Variants in PARP12 observed in about 807,000 individuals in gnomAD.
The protein encoded by PARP12 is poly(ADP-ribose) polymerase family member 12, also known as protein mono-ADP-ribosyltransferase PARP12.
Under a neutral mutation model 72.4 loss-of-function variants are expected in PARP12, and 59 were observed. The ratio of observed to expected loss-of-function variants is 0.81; its 90% CI spans 0.66 to 1.01. PARP12 has a LOEUF of 1.01. Among genes scored for constraint, PARP12 ranks in the 50% least tolerant of loss-of-function variants. PARP12 has a pLI of 0.00. For missense variants in PARP12, 851 were observed against 914.0 expected (o/e 0.93, Z 0.89); for synonymous variants, 403 against 371.4 (o/e 1.09, Z -0.98).
chr7:140,056,757 AG>A, intron 3 of PARP12, 98 bp downstream of exon 3: 1 of 1,296,704 alleles, frequency 7.7e-7, no homozygotes, highest in East Asian at 2.4e-5. Flanking sequence ...ACTTGCCCAA[AG>A]TCACACATTC....
chr7:140,028,713 G>A (rs778848382), intron 8 of PARP12, 25 bp from the exon 9 acceptor site: 18 of 1,564,124 alleles, frequency 1.2e-5, no homozygotes, highest in South Asian at 5.8e-5. Flanking sequence ...ACAAAAACAC[G>A]TAGACATTTT....
intron 8 of PARP12, among the ~76,000 whole-genome samples, chr7:140,031,373 A>T (rs1465034547): frequency 1.4e-5 from 2 of 146,074 alleles, no homozygotes; most frequent in Admixed American, 1.4e-4. Flanking sequence ...ACCCTGTCTC[A>T]TAAATAAATA....
At chr7:140,050,787 G>C (rs189368424) in intron 4 of PARP12, among the ~76,000 whole-genome samples, 1 of 151,918 alleles carries the variant, frequency 6.6e-6, no homozygotes, top group Non-Finnish European at 1.5e-5. Flanking sequence ...ATATTTTTAG[G>C]ATACAAAAAA....
intron 7 of PARP12, among the ~76,000 whole-genome samples, chr7:140,035,911 GGACA>G (rs879418603): frequency 0.065 from 8,496 of 129,928 alleles, 1,301 homozygotes; most frequent in East Asian, 0.18. Flanking sequence ...ACGAGGAGGA[GGACA>G]AGGAGGAGGA....
chr7:140,039,215 T>G lies in PARP12; in HGVS notation c.1183-1359A>C, dbSNP rs560848296. On this transcript the variant is annotated intron_variant, in intron 6 of 11. Coordinates refer to ENST00000263549, the MANE Select transcript of PARP12 (RefSeq NM_022750.4). Reference sequence around the variant, plus strand: ...AGTCCGGGAGGAAGAGGATGTGGCATAAAAATCCCTTTCTGACAACAAGAG... The same window carrying G: ...AGTCCGGGAGGAAGAGGATGTGGCAGAAAAATCCCTTTCTGACAACAAGAG... Among the ~76,000 whole-genome samples the G allele has an allele frequency of 1.8e-4, 27 of 152,208 alleles. 1 individual carries two copies. Among genetic ancestry groups the G allele is most frequent in the African/African-American group, 5.3e-4 (22 of 41,520 alleles).
chr7:140,052,268 C>T (rs1816994807), intron 4 of PARP12, among the ~76,000 whole-genome samples: 1 of 152,218 alleles, frequency 6.6e-6, no homozygotes, highest in African/African-American at 2.4e-5. Flanking sequence ...ATAAACTGAA[C>T]TAATCAAGAT....
chr7:140,054,867 C>T (rs1817118255), intron 3 of PARP12, 104 bp from the exon 4 acceptor site: 3 of 928,932 alleles, frequency 3.2e-6, no homozygotes, highest in Admixed American at 2.1e-5. Flanking sequence ...GCAACGCAAG[C>T]TCACAAAGCC....
At chr7:140,027,527 C>T in intron 9 of PARP12, 121 bp from the exon 10 acceptor site, 2 of 1,211,890 alleles carry the variant, frequency 1.7e-6, no homozygotes, top group Non-Finnish European at 1.2e-6. Context: ...AGAGCAGTGA[C>T]CACATTCTCC....
At chr7:140,037,880 T>A in intron 6 of PARP12, 24 bp from the exon 7 acceptor site, 1 of 1,596,034 alleles carries the variant, frequency 6.3e-7, no homozygotes, top group Non-Finnish European at 8.6e-7. Context: ...CCAGACACTT[T>A]ATGAAGGCAA....
intron 8 of PARP12, chr7:140,033,654 C>A (rs74993559): frequency 4.1e-6 from 4 of 985,278 alleles, no homozygotes; most frequent in Admixed American, 1.2e-4. Flanking sequence ...GTACAAAGCA[C>A]AAGAATTTCC....
chr7:140,056,191 T>C (rs1229842566), intron 3 of PARP12, among the ~76,000 whole-genome samples: 1 of 152,230 alleles, frequency 6.6e-6, no homozygotes, highest in African/African-American at 2.4e-5. Context: ...AAATGCTTAT[T>C]AAATAAAAAT....
intron 3 of PARP12, among the ~76,000 whole-genome samples, chr7:140,056,483 C>T (rs553568142): frequency 6.6e-6 from 1 of 152,314 alleles, no homozygotes; most frequent in East Asian, 1.9e-4. Context: ...CTGTGCAGCA[C>T]AGCATTCCTA....
chr7:140,059,820 C>T (rs62491364), intron 1 of PARP12, among the ~76,000 whole-genome samples: 4,499 of 152,262 alleles, frequency 0.03, 80 homozygotes, highest in Non-Finnish European at 0.043. Flanking sequence ...AATCTGTCAG[C>T]GCAGAGCGGA....
intron 8 of PARP12, among the ~76,000 whole-genome samples, chr7:140,030,982 G>T (rs965211939): frequency 1.9e-4 from 29 of 152,156 alleles, no homozygotes; most frequent in African/African-American, 6.8e-4. Flanking sequence ...TAAAATAATG[G>T]TGCCTCTTGA....
At chr7:140,045,996 T>C (rs184385394) in intron 5 of PARP12, among the ~76,000 whole-genome samples, 1 of 151,940 alleles carries the variant, frequency 6.6e-6, no homozygotes, top group East Asian at 1.9e-4. Context: ...ACGATGGGAG[T>C]AGGCACTGAC....
At chr7:140,060,859 T>A (rs1282654944) in intron 1 of PARP12, among the ~76,000 whole-genome samples, 1 of 152,128 alleles carries the variant, frequency 6.6e-6, no homozygotes, top group Non-Finnish European at 1.5e-5. Flanking sequence ...GGGCTGCAAC[T>A]ACAACATACA....
chr7:140,039,865 G>A (rs1816384102), intron 6 of PARP12, among the ~76,000 whole-genome samples: 1 of 151,648 alleles, frequency 6.6e-6, no homozygotes, highest in South Asian at 2.1e-4. Flanking sequence ...TCCACACGCG[G>A]TTCATCCCCA....
chr7:140,024,809 C>G lies in PARP12; in HGVS notation c.1857G>C (p.Leu619=). 1.2e-6 allele frequency: 2 copies of G among 1,614,188 alleles called. No individual in the cohort carries two copies. Among genetic ancestry groups the G allele is most frequent in the Non-Finnish European group, 1.7e-6 (2 of 1,180,020 alleles). The part of the protein sequence containing the change: ...KSDTQTHTMF[L]ARVLVGEFVR... The stretch of plus-strand genomic sequence containing the variant: ...CGAACTCGCCCACCAGCACCCGGGC[C>G]AGGAACATCGTGTGGGTCTGCGTGT... Residue 619 remains leucine, a synonymous_variant, in exon 12 of 12, where the codon CTG becomes CTC. Transcript: ENST00000263549.
rs1209558708 is a variant in PARP12, at chr7:140,027,329, A to G, written c.1575T>C (p.Phe525=). 1 of 1,614,118 alleles carries G rather than the reference A, an allele frequency of 6.2e-7. No individual in the cohort carries two copies. Among genetic ancestry groups the G allele is most frequent in the Non-Finnish European group, 8.5e-7 (1 of 1,179,996 alleles). ...TCTGTACTCGCTCAATCTTCTGAAC[A>G]AAGTAGAAAGGCAGCGTGCGGTTAA... is the stretch of plus-strand genomic sequence containing the variant. ...NLFNRTLPFY[F]VQKIERVQNL... is the part of the protein sequence containing the mutation. Residue 525 remains phenylalanine, a synonymous_variant, in exon 10 of 12, where the codon TTT becomes TTC. Transcript: ENST00000263549.
Sources: gnomAD v4.1 joint callset for allele counts (sites outside exome capture counted in the v4.1 genomes callset) on GRCh38, gnomAD v4.1.1 for gene constraint, MANE v1.5 for transcripts, NCBI Gene and HGNC (gene_info 2026-07-23, HGNC 2026-07-21) for gene names.